Variants in XKR9 observed in about 807,000 individuals in gnomAD.
The protein encoded by XKR9 is XK-related protein 9.
XKR9 carries 32 observed loss-of-function variants against 32.0 expected under a neutral mutation model. The observed-to-expected ratio is 1.00, with a 90% CI of 0.76 to 1.34. XKR9 has a LOEUF of 1.34. Among genes scored for constraint, XKR9 ranks in the 40% most tolerant of loss-of-function variants. XKR9 has a pLI of 0.00. For missense variants in XKR9, 546 were observed against 429.7 expected (o/e 1.27, Z -2.39); for synonymous variants, 168 against 143.4 (o/e 1.17, Z -1.22).
At chr8:70,818,476 TTATAA>T in the XKR9 span, among the ~76,000 whole-genome samples, 1 of 152,168 alleles carries the variant, frequency 6.6e-6, no homozygotes, top group Non-Finnish European at 1.5e-5. Flanking sequence ...CTTTTATTTA[TTATAA>T]TATAACTAAC....
At chr8:70,750,886 G>T (rs1807130292) in intron 2 of XKR9, among the ~76,000 whole-genome samples, 2 of 152,304 alleles carry the variant, frequency 1.3e-5, no homozygotes, top group Non-Finnish European at 2.9e-5. Flanking sequence ...GGATATTTCT[G>T]TGTAGATGTT....
intron 3 of XKR9, among the ~76,000 whole-genome samples, chr8:70,685,204 G>A (rs1173758887): frequency 4.7e-5 from 7 of 148,296 alleles, no homozygotes; most frequent in African/African-American, 1.5e-4. Flanking sequence ...AGGGACATGG[G>A]TGAAATTGGA....
chr8:70,935,342 C>T, the XKR9 span, among the ~76,000 whole-genome samples: 1 of 151,730 alleles, frequency 6.6e-6, no homozygotes, highest in South Asian at 2.1e-4. Context: ...CTATTAAACA[C>T]TGAACTTTGA....
the XKR9 span, among the ~76,000 whole-genome samples, chr8:70,888,594 TGTAA>T: frequency 8.5e-5 from 13 of 152,214 alleles, no homozygotes; most frequent in Admixed American, 8.5e-4. Context: ...AGGTATTTCA[TGTAA>T]GTCTTTCATC....
chr8:70,914,193 G>A, the XKR9 span, among the ~76,000 whole-genome samples: 1 of 152,092 alleles, frequency 6.6e-6, no homozygotes. Flanking sequence ...GCCTCCTAAC[G>A]TGTTGGGATT....
chr8:70,863,136 C>T, the XKR9 span, among the ~76,000 whole-genome samples: 1 of 152,270 alleles, frequency 6.6e-6, no homozygotes, highest in African/African-American at 2.4e-5. Flanking sequence ...CTATGTTAAG[C>T]ACTTTGCTGG....
intron 3 of XKR9, among the ~76,000 whole-genome samples, chr8:70,706,067 C>T (rs577595668): frequency 2.4e-4 from 37 of 152,160 alleles, no homozygotes; most frequent in African/African-American, 7.9e-4. Flanking sequence ...AAATGGGAAA[C>T]GTTGGCAGAA....
the XKR9 span, among the ~76,000 whole-genome samples, chr8:70,955,219 T>A: frequency 6.6e-6 from 1 of 152,156 alleles, no homozygotes; most frequent in African/African-American, 2.4e-5. Flanking sequence ...CAAAGCTCAA[T>A]AAAGAGCTAA....
the XKR9 span, among the ~76,000 whole-genome samples, chr8:71,051,584 T>A: frequency 2.0e-5 from 3 of 151,820 alleles, no homozygotes; most frequent in Non-Finnish European, 4.4e-5. Context: ...TGATGAGAAT[T>A]TGGCCCATAT....
At chr8:70,894,998 G>A in the XKR9 span, among the ~76,000 whole-genome samples, 1 of 152,068 alleles carries the variant, frequency 6.6e-6, no homozygotes, top group Admixed American at 6.5e-5. Context: ...AGGCCACAGG[G>A]GTTGGGGTAT....
chr8:70,965,572 C>T, the XKR9 span, among the ~76,000 whole-genome samples: 12 of 152,142 alleles, frequency 7.9e-5, no homozygotes, highest in Admixed American at 2.0e-4. Flanking sequence ...GTAAATCTGT[C>T]TGGTCCTGGG....
At chr8:70,869,002 A>G in the XKR9 span, among the ~76,000 whole-genome samples, 1 of 152,132 alleles carries the variant, frequency 6.6e-6, no homozygotes, top group Non-Finnish European at 1.5e-5. Flanking sequence ...ACATAACAAG[A>G]GTCATGTTTG....
chr8:70,900,424 T>G, the XKR9 span, among the ~76,000 whole-genome samples: 1 of 151,936 alleles, frequency 6.6e-6, no homozygotes, highest in Non-Finnish European at 1.5e-5. Flanking sequence ...ACCCCATATC[T>G]ACTAAAAATA....
the XKR9 span, among the ~76,000 whole-genome samples, chr8:70,906,207 G>C: frequency 6.6e-6 from 1 of 152,236 alleles, no homozygotes; most frequent in Admixed American, 6.5e-5. Context: ...CTTTTGTTCA[G>C]CTTTGCCCTG....
At chr8:70,935,144 CATATATACAT>C in the XKR9 span, among the ~76,000 whole-genome samples, 9 of 144,620 alleles carry the variant, frequency 6.2e-5, no homozygotes, top group Admixed American at 3.5e-4. Context: ...TATATATACA[CATATATACAT>C]ATATATACAT....
At chr8:70,918,988 A>G in the XKR9 span, among the ~76,000 whole-genome samples, 1 of 151,824 alleles carries the variant, frequency 6.6e-6, no homozygotes, top group Admixed American at 6.5e-5. Context: ...TGTGTTTGCC[A>G]GGATGGTCTC....
At chr8:70,821,243 G>C in the XKR9 span, among the ~76,000 whole-genome samples, 1 of 152,212 alleles carries the variant, frequency 6.6e-6, no homozygotes. Context: ...GATCTCCTTT[G>C]ACTCCATATC....
the XKR9 span, among the ~76,000 whole-genome samples, chr8:71,061,819 T>G: frequency 4.6e-5 from 7 of 152,124 alleles, no homozygotes; most frequent in African/African-American, 1.7e-4. Context: ...TGGCCAGTAG[T>G]TGGGAAGGTG....
chr8:70,730,756 A>T (rs1365595523), intron 4 of XKR9, among the ~76,000 whole-genome samples: 3 of 152,228 alleles, frequency 2.0e-5, no homozygotes, highest in African/African-American at 7.2e-5. Flanking sequence ...CTGGACTGCC[A>T]TTGTCAAAAA....
Sources: gnomAD v4.1 joint callset for allele counts (sites outside exome capture counted in the v4.1 genomes callset) on GRCh38, gnomAD v4.1.1 for gene constraint, MANE v1.5 for transcripts, NCBI Gene and HGNC (gene_info 2026-07-23, HGNC 2026-07-21) for gene names.